GSE1: variants seen among roughly 807,000 people sequenced by gnomAD.
GSE1 encodes genetic suppressor element 1.
GSE1 carries 32 observed loss-of-function variants against 112.6 expected under a neutral mutation model. The ratio of observed to expected loss-of-function variants is 0.28; its 90% confidence interval spans 0.21 to 0.38. The LOEUF (loss-of-function observed/expected upper bound fraction) is 0.38. Ranked by LOEUF, GSE1 falls within the 10% of genes least tolerant of loss-of-function variation. The probability of loss-of-function intolerance (pLI) is 1.00; values close to 1 mark genes in which losing one functional copy is unlikely to be tolerated. For synonymous variants in GSE1, 1,115 were observed against 735.6 expected (o/e 1.52, Z -8.35); for missense variants, 2,348 against 1,699.2 (o/e 1.38, Z -6.71).
intron 2 of GSE1, among the ~76,000 whole-genome samples, chr16:85,360,094 T>C (rs929705475): frequency 6.6e-6 from 1 of 151,820 alleles, no homozygotes; most frequent in African/African-American, 2.4e-5. Context: ...GTTTTCAGAG[T>C]GACATTTCCA....
intron 2 of GSE1, among the ~76,000 whole-genome samples, chr16:85,525,567 C>T (rs2052339954): frequency 6.6e-6 from 1 of 152,212 alleles, no homozygotes; most frequent in Non-Finnish European, 1.5e-5. Flanking sequence ...AGCTGATCCC[C>T]CAAATGGGGG....
intron 1 of GSE1, among the ~76,000 whole-genome samples, chr16:85,259,581 T>C (rs67296788): frequency 6.6e-6 from 1 of 151,994 alleles, no homozygotes; most frequent in Admixed American, 6.5e-5. Flanking sequence ...CCAGGGCTAG[T>C]GGGAGGAGCT....
chr16:85,626,929 G>A (rs2049119404), intron 1 of GSE1, among the ~76,000 whole-genome samples: 2 of 151,836 alleles, frequency 1.3e-5, no homozygotes, highest in African/African-American at 2.4e-5. Context: ...CAGGCAGACC[G>A]GTTTGGGGTC....
upstream of GSE1, among the ~76,000 whole-genome samples, chr16:85,612,065 G>C (rs2048020055): frequency 6.6e-6 from 1 of 152,038 alleles, no homozygotes; most frequent in African/African-American, 2.4e-5. Flanking sequence ...GGACGCGCTA[G>C]ATCAGAGGGG....
chr16:85,285,436 C>G (rs1244509927), intron 1 of GSE1: 1 of 152,146 alleles, frequency 6.6e-6, no homozygotes, highest in African/African-American at 2.4e-5. Context: ...AATCCTAGCA[C>G]TTTGGGAGGC....
At chr16:85,170,784 G>C in exon 1 of GSE1, 1 of 985,588 alleles carries the variant, frequency 1.0e-6, no homozygotes, top group Non-Finnish European at 1.2e-6. Flanking sequence ...GCAGTACCTT[G>C]GTGTGCGCCA....
intron 1 of GSE1, among the ~76,000 whole-genome samples, chr16:85,342,593 G>T (rs978092747): frequency 6.6e-6 from 1 of 152,160 alleles, no homozygotes; most frequent in African/African-American, 2.4e-5. Context: ...TCCTCAGAGC[G>T]CATGTGTTGA....
intron 2 of GSE1, among the ~76,000 whole-genome samples, chr16:85,481,543 T>C (rs548125393): frequency 1.3e-5 from 2 of 152,224 alleles, no homozygotes; most frequent in African/African-American, 4.8e-5. Flanking sequence ...GGGGAGTTGA[T>C]TGAGATGCTT....
chr16:85,353,949 C>A (rs2046900706), intron 1 of GSE1, among the ~76,000 whole-genome samples: 2 of 152,218 alleles, frequency 1.3e-5, no homozygotes, highest in Non-Finnish European at 2.9e-5. Flanking sequence ...CTGGTCGGCT[C>A]CGTGTCTGTT....
chr16:85,539,279 G>C (rs2044438096), intron 2 of GSE1, among the ~76,000 whole-genome samples: 1 of 152,216 alleles, frequency 6.6e-6, no homozygotes, highest in African/African-American at 2.4e-5. Context: ...GCTATTAGCT[G>C]CATGCACATG....
rs375626433 is a variant in GSE1 at position 85,648,511 on chromosome 16, C to T, written c.227-41C>T. 28 of 1,102,642 alleles carry T rather than the reference C, an allele frequency of 2.5e-5. No homozygotes were observed. In the African/African-American group the frequency reaches 3.7e-4, roughly 15 times the overall value. 68.3% of individuals were successfully genotyped at this position (1,102,642 alleles called of 1,614,324 possible). A position where few individuals can be genotyped will look rare whatever the true frequency, so the allele number is the denominator to read the frequency against. ...CCCAGCTGGCACTGCACGTGGCTGT[C>T]ACTGCGGCTCCCACTCAGGCCACCG... On this transcript the variant is annotated intron_variant, in intron 2 of 15. Coordinates refer to ENST00000253458, the MANE Select transcript of GSE1 (RefSeq NM_014615.5).
intron 2 of GSE1, among the ~76,000 whole-genome samples, chr16:85,492,549 C>CT: frequency 6.6e-6 from 1 of 152,334 alleles, no homozygotes; most frequent in East Asian, 1.9e-4. Context: ...AGGGGAGGTA[C>CT]TTTCATATCA....
Position 85,672,544 on chromosome 16 carries a change from T to A in GSE1, c.*5T>A. The A allele has an allele frequency of 3.7e-6, 6 of 1,600,162 alleles. No individual in the cohort carries two copies. Among genetic ancestry groups the A allele is most frequent in the Non-Finnish European group, 5.1e-6 (6 of 1,169,196 alleles). On this transcript the variant is annotated 3_prime_UTR_variant, in exon 16 of 16. Coordinates refer to ENST00000253458, the MANE Select transcript of GSE1 (RefSeq NM_014615.5). ...CTGAAGGGATATCCCAGGTGACGGT[T>A]TCCCTTGCACTAGGCCGAACCTATA...
In GSE1 at chr16:85,657,487, A is replaced by G. The variant is rs775268280; in HGVS notation, c.1523A>G (p.Lys508Arg). 1 of 1,607,636 alleles carries G rather than the reference A, an allele frequency of 6.2e-7. No homozygotes were observed. The highest frequency in any genetic ancestry group is 1.1e-5 in the South Asian group (1 of 90,438). Residue 508 changes from lysine to arginine, a missense_variant, in exon 8 of 16, where the codon AAG (lysine) becomes AGG (arginine). Transcript: ENST00000253458. The part of the protein sequence containing the change: ...LARQRRLRQE[K>R]EDRQSQVSEF... ...CGGCAGCGGCGGCTGCGGCAGGAGA[A>G]GGAGGACCGGCAGTCTCAGGTGTCC...
At chr16:85,350,925 G>T (rs1050121422) in intron 1 of GSE1, among the ~76,000 whole-genome samples, 2 of 152,156 alleles carry the variant, frequency 1.3e-5, no homozygotes, top group African/African-American at 4.8e-5. Context: ...GATTACAGGC[G>T]CCCACTACCG....
At chr16:85,314,057 T>G (rs35343434) in intron 1 of GSE1, among the ~76,000 whole-genome samples, 15,261 of 151,102 alleles carry the variant, frequency 0.1, 1,818 homozygotes, top group African/African-American at 0.29. Context: ...TCACAGCTGT[T>G]TGTGTGTATA....
intron 2 of GSE1, among the ~76,000 whole-genome samples, chr16:85,514,998 T>A (rs2051879681): frequency 6.6e-6 from 1 of 152,190 alleles, no homozygotes; most frequent in Admixed American, 6.5e-5. Context: ...TGTGTGCAGT[T>A]GTACCCATGG....
chr16:85,506,738 G>GTCATTCAT (rs551939045), intron 2 of GSE1, among the ~76,000 whole-genome samples: 39 of 146,296 alleles, frequency 2.7e-4, no homozygotes, highest in African/African-American at 8.0e-4. Flanking sequence ...GCCAGCCACT[G>GTCATTCAT]TCATTCATTC....
intron 2 of GSE1, among the ~76,000 whole-genome samples, chr16:85,397,535 G>A (rs1000098563): frequency 3.3e-5 from 5 of 152,186 alleles, no homozygotes; most frequent in African/African-American, 9.7e-5. Context: ...TCTGCCCCCC[G>A]CCGCTGCCTC....
Sources: gnomAD v4.1 joint callset for allele counts (sites outside exome capture counted in the v4.1 genomes callset) on GRCh38, gnomAD v4.1.1 for gene constraint, MANE v1.5 for transcripts, NCBI Gene and HGNC (gene_info 2026-07-23, HGNC 2026-07-21) for gene names.